LRP3: variants seen among roughly 807,000 people sequenced by gnomAD.
LRP3 encodes LDL receptor related protein 3, also known as low-density lipoprotein receptor-related protein 3.
LRP3 carries 49 observed loss-of-function variants against 58.5 expected under a neutral mutation model. The observed-to-expected ratio is 0.84, with a 90% confidence interval of 0.67 to 1.06. The LOEUF (loss-of-function observed/expected upper bound fraction) is 1.06. Among genes scored for constraint, LRP3 ranks in the 50% least tolerant of loss-of-function variants. The probability of loss-of-function intolerance (pLI) is 0.00; values close to 1 mark genes in which losing one functional copy is unlikely to be tolerated. For missense variants in LRP3, 1,019 were observed against 1,134.2 expected (o/e 0.90, Z 1.46); for synonymous variants, 485 against 492.2 (o/e 0.99, Z 0.20).
intron 2 of LRP3, among the ~76,000 whole-genome samples, chr19:33,199,590 C>T (rs1290926662): frequency 6.6e-6 from 1 of 152,174 alleles, no homozygotes; most frequent in Non-Finnish European, 1.5e-5. Flanking sequence ...CTGCACCCAC[C>T]ATGGTCTCTG....
Position 33,202,876 on chromosome 19 carries a change from C to A in LRP3, c.150C>A (p.His50Gln). ...LAACSGKLEQ[H>Q]TERRGVIYSP... Reference sequence around the variant, plus strand: ...CCTGCAGTGGGAAGCTGGAGCAGCACACGGAGCGGCGTGGGGTCATCTACA... The same window carrying A: ...CCTGCAGTGGGAAGCTGGAGCAGCAAACGGAGCGGCGTGGGGTCATCTACA... The change falls in exon 3 of 7, where the codon CAC becomes CAA. Residue 50 changes from histidine to glutamine, a missense_variant. Coordinates refer to ENST00000253193, the MANE Select transcript of LRP3 (RefSeq NM_002333.4). The A allele has an allele frequency of 6.2e-7, 1 of 1,610,992 alleles. No individual in the cohort carries two copies. Among genetic ancestry groups the A allele is most frequent in the Non-Finnish European group, 8.5e-7 (1 of 1,178,764 alleles).
At chr19:33,204,895 C>T (rs377384529) in intron 4 of LRP3, 43 bp downstream of exon 4, 204 of 1,570,612 alleles carry the variant, frequency 1.3e-4, no homozygotes, top group Middle Eastern at 3.4e-4. Flanking sequence ...CGGAGCACAC[C>T]GTGCATGCCC....
At chr19:33,203,054 G>A (rs948895457) in intron 3 of LRP3, 68 bp downstream of exon 3, 3 of 1,546,434 alleles carry the variant, frequency 1.9e-6, no homozygotes, top group African/African-American at 2.7e-5. Flanking sequence ...GTGAGAATGT[G>A]TGTGTGTGAG....
At position 33,204,431 on chromosome 19, in the gene LRP3, C is replaced by T. The variant is rs987207033; in HGVS notation, c.261-207C>T. 8.8e-5 allele frequency: 53 copies of T among 599,990 alleles called. No individual in the cohort carries two copies. In the East Asian group the frequency reaches 1.2e-3, roughly 13 times the overall value. 37.2% of individuals were successfully genotyped at this position (599,990 alleles called of 1,614,324 possible). On this transcript the variant is annotated intron_variant, in intron 3 of 6. Coordinates refer to ENST00000253193, the MANE Select transcript of LRP3 (RefSeq NM_002333.4). ...TGTCGCAATTCTTCATGGAGCCTCC[C>T]GTGCACACCTGGATGGGGACAGTGT...
At chr19:33,201,100 GCA>G (rs1974336795) in intron 2 of LRP3, among the ~76,000 whole-genome samples, 1 of 152,226 alleles carries the variant, frequency 6.6e-6, no homozygotes, top group Non-Finnish European at 1.5e-5. Context: ...CATCTCTGGA[GCA>G]CCTGCCATGC....
intron 1 of LRP3, 98 bp from the exon 2 acceptor site, chr19:33,196,632 G>A (rs962464570): frequency 6.3e-6 from 7 of 1,109,444 alleles, no homozygotes; most frequent in Non-Finnish European, 9.6e-6. Context: ...GGGGACCAGC[G>A]GGCCAGCCTT....
chr19:33,203,061 T>A (rs1599934971), intron 3 of LRP3, 75 bp downstream of exon 3: 27 of 1,528,640 alleles, frequency 1.8e-5, no homozygotes, highest in Non-Finnish European at 3.6e-6. Flanking sequence ...TGTGTGTGTG[T>A]GAGCAGGTGT....
intron 1 of LRP3, among the ~76,000 whole-genome samples, chr19:33,196,323 C>G (rs1974284862): frequency 1.3e-5 from 2 of 152,146 alleles, no homozygotes; most frequent in Admixed American, 1.3e-4. Context: ...GAGACCAAGG[C>G]AAGAGAATTG....
chr19:33,202,723 T>TGGCCAAGGGCAA, intron 2 of LRP3, 125 bp from the exon 3 acceptor site: 2 of 1,150,392 alleles, frequency 1.7e-6, no homozygotes, highest in Non-Finnish European at 2.4e-6. Flanking sequence ...CCCTTGGCCA[T>TGGCCAAGGGCAA]GGCCACCCTT....
At position 33,204,646 on chromosome 19, in the gene LRP3, A is replaced by G. The variant is rs757188457; in HGVS notation, c.269A>G (p.Asn90Ser). The G allele has an allele frequency of 1.0e-4, 167 of 1,604,882 alleles. No homozygotes were observed. Among genetic ancestry groups the G allele is most frequent in the Admixed American group, 3.2e-4 (19 of 59,954 alleles). ...TCTCCGCCCCCCCGCAGCTTCCGCA[A>G]CTTTGACGTGGAGGAGTCCCACCAG... ...RGDMITISFRNFDVEESHQCS... is the reference protein window; with the variant it reads ...RGDMITISFRSFDVEESHQCS... The change falls in exon 4 of 7, where the codon AAC (asparagine) becomes AGC (serine). Residue 90 changes from asparagine to serine, a missense_variant. Around this residue, in one of 2 missense-constraint regions of LRP3, gnomAD observed 592 missense variants for 725.5 expected, o/e 0.82. Coordinates refer to ENST00000253193, the MANE Select transcript of LRP3 (RefSeq NM_002333.4).
intron 5 of LRP3, 75 bp from the exon 6 acceptor site, chr19:33,206,526 C>T: frequency 6.3e-7 from 1 of 1,586,142 alleles, no homozygotes; most frequent in Non-Finnish European, 8.6e-7. Context: ...GGAGGGTCGT[C>T]CTGGAATCCT....
At chr19:33,196,360 C>G (rs920841009) in intron 1 of LRP3, among the ~76,000 whole-genome samples, 1 of 152,120 alleles carries the variant, frequency 6.6e-6, no homozygotes, top group Non-Finnish European at 1.5e-5. Context: ...TAAGACCAGC[C>G]TGAGCAACAC....
intron 1 of LRP3, 115 bp downstream of exon 1, chr19:33,194,973 C>T (rs974363142): frequency 2.0e-4 from 77 of 383,562 alleles, no homozygotes; most frequent in Non-Finnish European, 2.7e-4. Context: ...CGCGGTGGCT[C>T]CCGCGCGGAG....
rs377130707 is a variant in LRP3, at chr19:33,204,867, A to C, written c.475+15A>C. The C allele has an allele frequency of 5.0e-6, 8 of 1,610,010 alleles. No individual in the cohort carries two copies. Among genetic ancestry groups the C allele is most frequent in the Middle Eastern group, 1.7e-4 (1 of 6,058 alleles). On this transcript the variant is annotated intron_variant, in intron 4 of 6. Coordinates refer to ENST00000253193, the MANE Select transcript of LRP3 (RefSeq NM_002333.4). ...TTACATCCGAGGTGATGGAGGCTGC[A>C]GGGCAGGCAGGACACCACGGAGCAC...
rs1430390030 is a variant in LRP3, at chr19:33,194,699, CAGCCAG to C, written c.-76_-71del. ...CTAGCCCGAGCCCGAGCCCGAGCCG[CAGCCAG>C]AGCCAGAGCCGGAGCCGCAGCCGGA... On this transcript the variant is annotated 5_prime_UTR_variant, in exon 1 of 7. Coordinates refer to ENST00000253193, the MANE Select transcript of LRP3 (RefSeq NM_002333.4). The C allele has an allele frequency of 5.6e-6, 2 of 358,392 alleles. No homozygotes were observed. Among genetic ancestry groups the C allele is most frequent in the Non-Finnish European group, 3.9e-6 (1 of 256,938 alleles). The allele number at this position is 358,392 out of a possible 1,614,324, so 22.2% of individuals were successfully genotyped here.
At chr19:33,197,234 C>T (rs12975090) in intron 2 of LRP3, among the ~76,000 whole-genome samples, 56,923 of 151,900 alleles carry the variant, frequency 0.37, 13,267 homozygotes, top group African/African-American at 0.65. Context: ...GGGGACATGC[C>T]ACGCCATGCA....
rs1298555612 is a variant in LRP3 at position 33,207,110 on chromosome 19, G to A, written c.1848G>A (p.Arg616=). The change falls in exon 7 of 7, where the codon CGG becomes CGA. Residue 616 remains arginine (R), a synonymous_variant. Coordinates refer to ENST00000253193, the MANE Select transcript of LRP3 (RefSeq NM_002333.4). ...RLWNRLFHRP[R]APRGQIPLLT... is the part of the protein sequence containing the mutation. ...GGAACCGGCTCTTTCACCGGCCGCG[G>A]GCGCCCCGAGGCCAGATCCCACTGC... is the stretch of plus-strand genomic sequence containing the variant. The A allele has an allele frequency of 1.3e-6, 2 of 1,525,750 alleles. No homozygotes were observed. The highest frequency in any genetic ancestry group is 1.8e-6 in the Non-Finnish European group (2 of 1,140,550). 94.5% of individuals were successfully genotyped at this position (1,525,750 alleles called of 1,614,324 possible). A position where few individuals can be genotyped will look rare whatever the true frequency, so the allele number is the denominator to read the frequency against.
rs1301675677 is a variant in LRP3 at position 33,194,352 on chromosome 19, C to T, written c.-434C>T. Among the ~76,000 whole-genome samples the T allele has an allele frequency of 1.4e-5, 2 of 145,410 alleles. No homozygotes were observed. The highest frequency in any genetic ancestry group is 4.0e-4 in the East Asian group (2 of 4,996). On this transcript the variant is annotated 5_prime_UTR_variant, in exon 1 of 7. Coordinates refer to ENST00000253193, the MANE Select transcript of LRP3 (RefSeq NM_002333.4). Reference sequence around the variant, plus strand: ...ACTGACAGACCCACGGACGCTCTACCGGCGGCACCCGGCCGGGCGGGCTGG... The same window carrying T: ...ACTGACAGACCCACGGACGCTCTACTGGCGGCACCCGGCCGGGCGGGCTGG...
intron 2 of LRP3, among the ~76,000 whole-genome samples, chr19:33,199,782 T>G (rs1974322645): frequency 6.6e-6 from 1 of 152,172 alleles, no homozygotes; most frequent in Admixed American, 6.5e-5. Context: ...TCCCAACCCC[T>G]GATGAAGGGG....
Sources: allele counts gnomAD v4.1 joint callset (sites outside exome capture counted in the v4.1 genomes callset), GRCh38; gene constraint gnomAD v4.1.1; regional missense constraint gnomAD v4.1.1; transcripts MANE v1.5; gene names NCBI Gene and HGNC (gene_info 2026-07-23, HGNC 2026-07-21).